The following ZNF442 variants were observed in gnomAD, a reference collection of about 807,000 sequenced individuals.
ZNF442 encodes the protein zinc finger protein 442.
In ZNF442, 45 loss-of-function variants were observed where a neutral mutation model predicts 57.0. That is an observed-to-expected ratio of 0.79 (90% CI 0.62 to 1.01). ZNF442 has a LOEUF of 1.01. Among genes scored for constraint, ZNF442 ranks in the 50% least tolerant of loss-of-function variants. ZNF442 has a pLI of 0.00. For missense variants in ZNF442, 690 were observed against 756.5 expected (o/e 0.91, Z 1.03); for synonymous variants, 213 against 241.8 (o/e 0.88, Z 1.10).
intron 3 of ZNF442, among the ~76,000 whole-genome samples, chr19:12,353,929 C>T (rs936776933): frequency 1.4e-4 from 21 of 152,146 alleles, no homozygotes; most frequent in Admixed American, 5.2e-4. Context: ...CATCACATGA[C>T]GCCCTGTGCC....
upstream of ZNF442, chr19:12,365,703 G>A (rs1352364648): frequency 9.8e-6 from 2 of 203,090 alleles, no homozygotes; most frequent in East Asian, 2.4e-4. Context: ...CCGGCAGCGC[G>A]CCTGACTGGC....
At position 12,350,132 on chromosome 19, in the gene ZNF442, C is replaced by T; in HGVS notation, c.1453G>A (p.Glu485Lys). 6.2e-7 allele frequency: 1 copy of T among 1,614,070 alleles called. No homozygotes were observed. Among genetic ancestry groups the T allele is most frequent in the East Asian group, 2.2e-5 (1 of 44,874 alleles). ...CATTCCTTACACTCATATGGCTTCT[C>T]TCCAGTGTGAGTTGTTTCATGATTT... ...FQNHETTHTG[E>K]KPYECKECGK... Residue 485 changes from glutamate (E) to lysine (K), a missense_variant, in exon 6 of 6, where the codon GAG (glutamate) becomes AAG (lysine). Transcript: ENST00000242804.
At chr19:12,363,911 C>T (rs569950752) in intron 2 of ZNF442, among the ~76,000 whole-genome samples, 25 of 152,248 alleles carry the variant, frequency 1.6e-4, no homozygotes, top group Admixed American at 2.6e-4. Flanking sequence ...GAAACAGAAC[C>T]AGGAAAAGGC....
At position 12,351,279 on chromosome 19, in the gene ZNF442, T is replaced by C; in HGVS notation, c.306A>G (p.Pro102=). 1 of 1,613,972 alleles carries C rather than the reference T, an allele frequency of 6.2e-7. No homozygotes were observed. Among genetic ancestry groups the C allele is most frequent in the Non-Finnish European group, 8.5e-7 (1 of 1,179,880 alleles). ...IIERFSESRQ[P]DSTVNEKPPG... ...GAGGTTTTTCATTCACAGTACTATC[T>C]GGCTGGCGACTTTCACTAAATCTCT... is the stretch of plus-strand genomic sequence containing the variant. The change falls in exon 6 of 6, where the codon CCA becomes CCG. Residue 102 remains proline (P), a synonymous_variant. Coordinates refer to ENST00000242804, the MANE Select transcript of ZNF442 (RefSeq NM_030824.3).
chr19:12,352,620 TTA>T (rs1352397254), intron 4 of ZNF442, among the ~76,000 whole-genome samples: 1 of 152,220 alleles, frequency 6.6e-6, no homozygotes, highest in Non-Finnish European at 1.5e-5. Context: ...ATGAAAACCT[TTA>T]TGATGATCCA....
At chr19:12,369,318 C>T (rs1396739116), upstream of ZNF442, among the ~76,000 whole-genome samples, 1 of 152,178 alleles carries the variant, frequency 6.6e-6, no homozygotes, top group Non-Finnish European at 1.5e-5. Context: ...CTCTTTATAC[C>T]ACACATGTTC....
At chr19:12,373,071 C>T in the ZNF442 span, among the ~76,000 whole-genome samples, 36 of 152,246 alleles carry the variant, frequency 2.4e-4, no homozygotes, top group African/African-American at 3.4e-4. Context: ...CGCACCCAGC[C>T]GGATCTGAGT....
the ZNF442 span, among the ~76,000 whole-genome samples, chr19:12,373,005 A>C: frequency 4.7e-4 from 71 of 152,178 alleles, no homozygotes; most frequent in African/African-American, 8.2e-4. Context: ...ATCTCCTGAC[A>C]TCGTGATCTG....
rs942960294 is a variant in ZNF442 at position 12,347,178 on chromosome 19, T to A, written c.*2523A>T. ...CACTACAAGTTATTCTCATGAATAC[T>A]TCAATGAAACAGCTCTTATCAAGGC... is the stretch of plus-strand genomic sequence containing the variant. On this transcript the variant is annotated 3_prime_UTR_variant, in exon 6 of 6. Coordinates refer to ENST00000242804, the MANE Select transcript of ZNF442 (RefSeq NM_030824.3). The A allele has an allele frequency of 6.6e-6, 1 of 152,198 alleles. No homozygotes were observed. The highest frequency in any genetic ancestry group is 1.5e-5 in the Non-Finnish European group (1 of 68,018). 9.4% of individuals were successfully genotyped at this position (152,198 alleles called of 1,614,324 possible).
At chr19:12,353,190 T>C (rs1969273647) in intron 3 of ZNF442, 76 bp from the exon 4 acceptor site, 1 of 1,448,810 alleles carries the variant, frequency 6.9e-7, no homozygotes, top group Non-Finnish European at 9.2e-7. Context: ...TTCATAAACT[T>C]TGCATACTAT....
chr19:12,370,547 G>A (rs1301582165), upstream of ZNF442, among the ~76,000 whole-genome samples: 1 of 152,030 alleles, frequency 6.6e-6, no homozygotes, highest in Admixed American at 6.6e-5. Context: ...GTTTACTCTG[G>A]TTTTGAGCAG....
Position 12,350,152 on chromosome 19 carries a change from T to C in ZNF442, c.1433A>G (p.His478Arg), listed in dbSNP as rs751134319. The C allele has an allele frequency of 3.1e-6, 5 of 1,613,990 alleles. No individual in the cohort carries two copies. The highest frequency in any genetic ancestry group is 1.7e-5 in the Admixed American group (1 of 59,978). ...AFIDFYSFQN[H>R]ETTHTGEKPY... ...CTTCTCTCCAGTGTGAGTTGTTTCA[T>C]GATTTTGAAAGGAATAGAAATCAAT... is the stretch of plus-strand genomic sequence containing the variant. Residue 478 changes from histidine to arginine, a missense_variant, in exon 6 of 6, where the codon CAT becomes CGT. By Grantham distance (29) the His-to-Arg change is conservative (BLOSUM62 0). Transcript: ENST00000242804.
rs1969475959 is a variant in ZNF442 at position 12,363,578 on chromosome 19, C to G, written c.54G>C (p.Gln18His). 2 of 1,614,070 alleles carry G rather than the reference C, an allele frequency of 1.2e-6. No homozygotes were observed. The highest frequency in any genetic ancestry group is 2.7e-5 in the African/African-American group (2 of 74,936). The part of the protein sequence containing the change: ...DRSDLFLPDS[Q>H]TNEERKQYDS... ...CATATTGTTTTCTCTCTTCATTAGT[C>G]TGAGAGTCAGGAAGGAAGAGATCAC... The change falls in exon 3 of 6, where the codon CAG becomes CAC. Residue 18 changes from glutamine (Q) to histidine (H), a missense_variant. Transcript: ENST00000242804.
chr19:12,356,535 G>A (rs953113533), intron 3 of ZNF442, among the ~76,000 whole-genome samples: 1 of 151,690 alleles, frequency 6.6e-6, no homozygotes, highest in Non-Finnish European at 1.5e-5. Context: ...GCTGAGGCAG[G>A]ACAATCGCTT....
chr19:12,350,450 A>T lies in ZNF442; in HGVS notation c.1135T>A (p.Cys379Ser). The change falls in exon 6 of 6, where the codon TGC becomes AGC. Residue 379 changes from cysteine (C) to serine (S), a missense_variant. By Grantham distance (112) the Cys-to-Ser change is moderately radical. Transcript: ENST00000242804. ...GATAACGCTTTCCCACACTGCTTGC[A>T]TTCATAGGGTTTCTCTCCAGTGTGA... ...RTHTGEKPYE[C>S]KQCGKALSHH... The T allele has an allele frequency of 6.2e-7, 1 of 1,614,084 alleles. No homozygotes were observed. Among genetic ancestry groups the T allele is most frequent in the Non-Finnish European group, 8.5e-7 (1 of 1,179,948 alleles).
chr19:12,356,602 G>C (rs1969333345), intron 3 of ZNF442, among the ~76,000 whole-genome samples: 1 of 149,784 alleles, frequency 6.7e-6, no homozygotes, highest in African/African-American at 2.5e-5. Context: ...ACTCCAGCCT[G>C]GGCAACAAGA....
Position 12,357,459 on chromosome 19 carries a change from C to T in ZNF442, c.79-4345G>A, listed in dbSNP as rs1355962586. 2.1e-5 allele frequency among the ~76,000 whole-genome samples: 3 copies of T among 145,788 alleles called. No homozygotes were observed. The East Asian group carries it at 6.2e-4, about 30-fold the overall frequency. ...CTCCACCTCCTGGGTTCAAGCCATT[C>T]TCCTGCCTCAGCCTCCCAAGTAGCT... On this transcript the variant is annotated intron_variant, in intron 3 of 5. Transcript: ENST00000242804.
rs1377908634 is a variant in ZNF442, at chr19:12,350,803, C to T, written c.782G>A (p.Gly261Glu). Residue 261 changes from glycine to glutamate, a missense_variant, in exon 6 of 6, where the codon GGG (glycine) becomes GAG (glutamate). By Grantham distance (98) the Gly-to-Glu change is moderately conservative. Coordinates refer to ENST00000242804, the MANE Select transcript of ZNF442 (RefSeq NM_030824.3). ...SYLRHERTHT[G>E]EKPYECKHCS... The stretch of plus-strand genomic sequence containing the variant: ...GTGCTTGCATTCATATGGTTTCTCC[C>T]CAGTGTGTGTTCTTTCATGTCTTAG... The T allele has an allele frequency of 1.2e-6, 2 of 1,613,920 alleles. No individual in the cohort carries two copies. The highest frequency in any genetic ancestry group is 2.7e-5 in the African/African-American group (2 of 74,886).
intron 3 of ZNF442, among the ~76,000 whole-genome samples, chr19:12,357,460 T>G (rs1216535743): frequency 1.3e-5 from 2 of 148,338 alleles, no homozygotes; most frequent in South Asian, 2.2e-4. Context: ...CAAGCCATTC[T>G]CCTGCCTCAG....
Sources: allele counts gnomAD v4.1 joint callset (sites outside exome capture counted in the v4.1 genomes callset), GRCh38; gene constraint gnomAD v4.1.1; transcripts MANE v1.5; gene names NCBI Gene and HGNC (gene_info 2026-07-23, HGNC 2026-07-21).